PRR12: variants seen among roughly 807,000 people sequenced by gnomAD.
PRR12 encodes the protein proline rich 12.
A neutral mutation model predicts 138.0 loss-of-function variants in PRR12; 12 were observed. That is an observed-to-expected ratio of 0.09 (90% confidence interval 0.06 to 0.14). The LOEUF (loss-of-function observed/expected upper bound fraction) is 0.14. Among genes scored for constraint, PRR12 ranks in the 10% least tolerant of loss-of-function variants. PRR12 has a pLI of 1.00. For synonymous variants in PRR12, 1,567 were observed against 1,291.7 expected, an observed-to-expected ratio of 1.21 and a Z score of -4.57; for missense variants, 2,692 against 2,861.3, an observed-to-expected ratio of 0.94 and a Z score of 1.35.
chr19:49,624,819 C>A, intron 11 of PRR12, 25 bp from the exon 12 acceptor site: 1 of 1,607,506 alleles, frequency 6.2e-7, no homozygotes, highest in Non-Finnish European at 8.5e-7. Flanking sequence ...GGGCAGCATC[C>A]AGCTGACCCA....
intron 4 of PRR12, among the ~76,000 whole-genome samples, chr19:49,598,651 T>C (rs768313948): frequency 4.6e-5 from 7 of 152,006 alleles, no homozygotes; most frequent in Non-Finnish European, 7.4e-5. Flanking sequence ...GAGACCCTGG[T>C]CTCTATTAAA....
At chr19:49,612,447 A>G (rs2080871756) in intron 6 of PRR12, among the ~76,000 whole-genome samples, 2 of 152,006 alleles carry the variant, frequency 1.3e-5, no homozygotes, top group African/African-American at 4.8e-5. Flanking sequence ...GGCTGAAGTC[A>G]GGGTGAGGCC....
rs539597974 is a variant in PRR12, at chr19:49,623,423, A to G, written c.5722-1421A>G. ...GGTGGATCACGAGGTCAGGAGACCA[A>G]TAACAACCCATCCTGGCTAACATGG... On this transcript the variant is annotated intron_variant, in intron 11 of 13. Transcript: ENST00000418929. Among the ~76,000 whole-genome samples the G allele has an allele frequency of 4.3e-4, 66 of 152,168 alleles. No individual in the cohort carries two copies. The South Asian group carries it at 5.6e-3, about 13-fold the overall frequency.
intron 10 of PRR12, 100 bp downstream of exon 10, chr19:49,620,577 C>G (rs553225008): frequency 6.7e-7 from 1 of 1,483,932 alleles, no homozygotes; most frequent in South Asian, 1.2e-5. Flanking sequence ...GGTTTGGGGT[C>G]GGGACTCCTG....
rs768224912 is a variant in PRR12 at position 49,624,794 on chromosome 19, G to T, written c.5722-50G>T. The stretch of plus-strand genomic sequence containing the variant: ...ATCTGAGACCTGGCTGTTGGGTTTG[G>T]GGTTTATGGATCCAGGGCAGCATCC... On this transcript the variant is annotated intron_variant, in intron 11 of 13. Transcript: ENST00000418929. 1.9e-6 allele frequency: 3 copies of T among 1,590,276 alleles called. No individual in the cohort carries two copies. The South Asian group carries it at 3.4e-5, about 18-fold the overall frequency.
intron 10 of PRR12, 139 bp from the exon 11 acceptor site, chr19:49,621,386 C>T (rs1044305175): frequency 2.6e-5 from 17 of 660,042 alleles, no homozygotes; most frequent in East Asian, 5.7e-5. Context: ...CTCCTGGGTC[C>T]GAAGGAGGAG....
chr19:49,616,167 A>G lies in PRR12; in HGVS notation c.5445A>G (p.Pro1815=). 1.3e-6 allele frequency: 2 copies of G among 1,559,044 alleles called. No individual in the cohort carries two copies. The highest frequency in any genetic ancestry group is 1.7e-6 in the Non-Finnish European group (2 of 1,152,000). The stretch of plus-strand genomic sequence containing the variant: ...GCAACGCTACAGCAGGCGGGGGCCC[A>G]CCAGGCAGCTCCTCGGACTCGGAGT... ...AGGNATAGGG[P]PGSSSDSESS... is the part of the protein sequence containing the mutation. The change falls in exon 9 of 14, where the codon CCA becomes CCG. Residue 1815 remains proline, a synonymous_variant. Transcript: ENST00000418929. The surrounding 1 kb of genome is among the most constrained non-coding windows in gnomAD (Gnocchi z 4.2).
rs1568419885 is a variant in PRR12, at chr19:49,591,666, C to T, written c.12C>T (p.Asn4=). The part of the protein sequence containing the change: MDR[N]YPSAGFGDPL... ...ACCGCGGCCAATTCATGGACAGGAA[C>T]TACCCCAGCGCCGGCTTCGGGGACC... Residue 4 remains asparagine (N), a synonymous_variant, in exon 1 of 14, where the codon AAC becomes AAT. Transcript: ENST00000418929. 3.8e-6 allele frequency: 5 copies of T among 1,309,106 alleles called. No individual in the cohort carries two copies. Among genetic ancestry groups the T allele is most frequent in the Non-Finnish European group, 3.0e-6 (3 of 1,014,584 alleles). The allele number at this position is 1,309,106 out of a possible 1,614,324, so 81.1% of individuals were successfully genotyped here.
At position 49,599,204 on chromosome 19, in the gene PRR12, G is replaced by T. The variant is rs956078106; in HGVS notation, c.3679-68G>T. On this transcript the variant is annotated intron_variant, in intron 4 of 13. Coordinates refer to ENST00000418929, the MANE Select transcript of PRR12 (RefSeq NM_020719.3). The surrounding 1 kb of genome is among the most constrained non-coding windows in gnomAD (Gnocchi z 5.0). ...GCACCTGTAAATTTGGATTTTTGGGGGCTGAGGGAGGATGGGACTGGGGGC... is the reference window on the plus strand; with the variant it reads ...GCACCTGTAAATTTGGATTTTTGGGTGCTGAGGGAGGATGGGACTGGGGGC... The T allele has an allele frequency of 3.1e-5, 45 of 1,440,924 alleles. No individual in the cohort carries two copies. Among genetic ancestry groups the T allele is most frequent in the African/African-American group, 3.0e-4 (21 of 70,148 alleles). The allele number at this position is 1,440,924 out of a possible 1,614,324, so 89.3% of individuals were successfully genotyped here. A position where few individuals can be genotyped will look rare whatever the true frequency, so the allele number is the denominator to read the frequency against.
chr19:49,601,283 G>A (rs1391831760), intron 5 of PRR12, among the ~76,000 whole-genome samples: 1 of 151,902 alleles, frequency 6.6e-6, no homozygotes, highest in South Asian at 2.1e-4. Context: ...GACTGAGAAG[G>A]GGATTAGGGA....
At chr19:49,624,813 A>ATT in intron 11 of PRR12, 31 bp from the exon 12 acceptor site, 1 of 1,603,212 alleles carries the variant, frequency 6.2e-7, no homozygotes, top group South Asian at 1.1e-5. Flanking sequence ...GATCCAGGGC[A>ATT]GCATCCAGCT....
rs73058057 is a variant in PRR12, at chr19:49,602,105, C to T, written c.4773+187C>T. Among the ~76,000 whole-genome samples the T allele has an allele frequency of 9.5e-4, 144 of 152,226 alleles. 1 individual carries two copies. The highest frequency in any genetic ancestry group is 2.9e-3 in the African/African-American group (122 of 41,548). ...CTGCGGGCCTCAGAGGTGTTATTTG[C>T]GTTTGTGTCTGTACATGCATTACCT... On this transcript the variant is annotated intron_variant, in intron 6 of 13. Coordinates refer to ENST00000418929, the MANE Select transcript of PRR12 (RefSeq NM_020719.3).
rs768466038 is a variant in PRR12 at position 49,595,205 on chromosome 19, G to A, written c.870G>A (p.Lys290=). ...RALPRQDTVI[K]HYQRPASAQP... is the part of the protein sequence containing the mutation. Reference sequence around the variant, plus strand: ...TGCCACGCCAGGACACGGTCATCAAGCACTACCAGCGGCCAGCCAGTGCCC... The same window carrying A: ...TGCCACGCCAGGACACGGTCATCAAACACTACCAGCGGCCAGCCAGTGCCC... Residue 290 remains lysine (K), a synonymous_variant, in exon 4 of 14, where the codon AAG becomes AAA. Transcript: ENST00000418929. 40 of 1,590,198 alleles carry A rather than the reference G, an allele frequency of 2.5e-5. No homozygotes were observed. The highest frequency in any genetic ancestry group is 3.2e-5 in the Non-Finnish European group (37 of 1,170,906).
intron 9 of PRR12, among the ~76,000 whole-genome samples, chr19:49,619,224 GTTTTTTTTTTTTT>G (rs34027784): frequency 2.5e-5 from 2 of 79,778 alleles, no homozygotes; most frequent in African/African-American, 1.1e-4. Flanking sequence ...CCTCCTGTGA[GTTTTTTTTTTTTT>G]TTTTTTTTTT....
Position 49,594,362 on chromosome 19 carries a change from T to C in PRR12, c.200-92T>C, listed in dbSNP as rs759428103. 10 of 1,309,454 alleles carry C rather than the reference T, an allele frequency of 7.6e-6. No homozygotes were observed. Among genetic ancestry groups the C allele is most frequent in the Non-Finnish European group, 1.0e-5 (10 of 956,780 alleles). The allele number at this position is 1,309,454 out of a possible 1,614,324, so 81.1% of individuals were successfully genotyped here. ...TTTCTCTCCCATCCCCTCCTTTTCC[T>C]GATCCAACTTGCTTTTGGCCTCTTC... On this transcript the variant is annotated intron_variant, in intron 2 of 13. Coordinates refer to ENST00000418929, the MANE Select transcript of PRR12 (RefSeq NM_020719.3). The surrounding 1 kb of genome is among the most constrained non-coding windows in gnomAD (Gnocchi z 5.6).
At chr19:49,622,597 G>GAAA (rs11450298) in intron 11 of PRR12, among the ~76,000 whole-genome samples, 1 of 134,048 alleles carries the variant, frequency 7.5e-6, no homozygotes, top group African/African-American at 2.7e-5. Flanking sequence ...CTCCAAAAAA[G>GAAA]AAAAAAAAAA....
chr19:49,597,014 G>A lies in PRR12; in HGVS notation c.2679G>A (p.Ala893=), dbSNP rs549578120. The change falls in exon 4 of 14, where the codon GCG becomes GCA. Residue 893 remains alanine, a synonymous_variant. Transcript: ENST00000418929. The surrounding 1 kb of genome is among the most constrained non-coding windows in gnomAD (Gnocchi z 6.3). ...LLGALEPLPP[A]PGDTGVGPPN... ...GGGCTCTGGAGCCGCTGCCCCCGGC[G>A]CCTGGGGATACTGGCGTAGGCCCAC... 12 of 1,557,570 alleles carry A rather than the reference G, an allele frequency of 7.7e-6. No individual in the cohort carries two copies. In the Middle Eastern group the frequency reaches 1.7e-3, roughly 220 times the overall value.
In PRR12 at chr19:49,596,988, G is replaced by A. The variant is rs779889702; in HGVS notation, c.2653G>A (p.Gly885Arg). 3 of 1,558,142 alleles carry A rather than the reference G, an allele frequency of 1.9e-6. No homozygotes were observed. Among genetic ancestry groups the A allele is most frequent in the South Asian group, 1.2e-5 (1 of 85,028 alleles). ...DPPGAMQELL[G>R]ALEPLPPAPG... ...GCCAGGCGCCATGCAGGAATTGCTC[G>A]GGGCTCTGGAGCCGCTGCCCCCGGC... Residue 885 changes from glycine (G) to arginine (R), a missense_variant, in exon 4 of 14, where the codon GGG (glycine) becomes AGG (arginine). Physicochemically the swap from Gly to Arg is moderately radical, Grantham distance 125. Coordinates refer to ENST00000418929, the MANE Select transcript of PRR12 (RefSeq NM_020719.3). The surrounding 1 kb of genome is among the most constrained non-coding windows in gnomAD (Gnocchi z 5.6).
In PRR12 at chr19:49,617,166, TAAC is replaced by T. The variant is rs1246908799; in HGVS notation, c.5497+956_5497+958del. Among the ~76,000 whole-genome samples the T allele has an allele frequency of 4.0e-5, 6 of 150,440 alleles. No homozygotes were observed. In the South Asian group the frequency reaches 6.3e-4, roughly 16 times the overall value. On this transcript the variant is annotated intron_variant, in intron 9 of 13. Coordinates refer to ENST00000418929, the MANE Select transcript of PRR12 (RefSeq NM_020719.3). ...AAAAAAGTCTGGTTAGTGATGACAA[TAAC>T]AACAACAAAAATAAATATATATTCA...
Sources: allele counts gnomAD v4.1 joint callset (sites outside exome capture counted in the v4.1 genomes callset), GRCh38; gene constraint gnomAD v4.1.1; non-coding constraint Gnocchi (gnomAD v3.1); transcripts MANE v1.5; gene names NCBI Gene and HGNC (gene_info 2026-07-23, HGNC 2026-07-21).